Variants in DACH1 observed in about 807,000 individuals in gnomAD.
The protein encoded by DACH1 is dachshund family transcription factor 1.
A neutral mutation model predicts 54.2 loss-of-function variants in DACH1; 12 were observed. That is an observed-to-expected ratio of 0.22 (90% confidence interval 0.14 to 0.36). The LOEUF (loss-of-function observed/expected upper bound fraction) is 0.36, where lower values mean the gene tolerates loss of function less well. Ranked by LOEUF, DACH1 falls within the 10% of genes least tolerant of loss-of-function variation. The pLI, the probability that DACH1 is intolerant of heterozygous loss-of-function variation, is 1.00. For synonymous variants in DACH1, 386 were observed against 366.2 expected (o/e 1.05, Z -0.62); for missense variants, 805 against 929.8 (o/e 0.87, Z 1.75).
intron 3 of DACH1, among the ~76,000 whole-genome samples, chr13:71,604,921 A>G (rs1455146944): frequency 5.3e-5 from 8 of 151,738 alleles, no homozygotes. Flanking sequence ...TTTAGTTTAC[A>G]TGTAAACCGA....
chr13:71,476,062 TATTAC>T (rs1391721005), intron 8 of DACH1, among the ~76,000 whole-genome samples: 10 of 152,158 alleles, frequency 6.6e-5, no homozygotes, highest in Admixed American at 3.3e-4. Context: ...AGCCTAGAAC[TATTAC>T]ATTACAAGAA....
At chr13:71,559,718 G>T (rs1884468437) in intron 5 of DACH1, 102 bp downstream of exon 5, 2 of 1,438,272 alleles carry the variant, frequency 1.4e-6, no homozygotes, top group Admixed American at 1.8e-5. Flanking sequence ...TTCAGAACAT[G>T]ATCCATCTGA....
At chr13:71,479,744 A>G (rs1486452290) in intron 7 of DACH1, among the ~76,000 whole-genome samples, 1 of 152,150 alleles carries the variant, frequency 6.6e-6, no homozygotes, top group Non-Finnish European at 1.5e-5. Flanking sequence ...CTTTCTCCTC[A>G]GAGCTCATTC....
chr13:71,649,844 C>T (rs1451387342), intron 2 of DACH1, among the ~76,000 whole-genome samples: 1 of 152,086 alleles, frequency 6.6e-6, no homozygotes, highest in African/African-American at 2.4e-5. Context: ...ACGGATCTCA[C>T]AAAAATTCTA....
chr13:71,484,302 G>T (rs1375098541), intron 7 of DACH1, among the ~76,000 whole-genome samples: 1 of 152,028 alleles, frequency 6.6e-6, no homozygotes, highest in African/African-American at 2.4e-5. Context: ...TTAATAGCTG[G>T]GACTGTGGGC....
At chr13:71,722,580 T>C (rs1487072829) in intron 1 of DACH1, among the ~76,000 whole-genome samples, 1 of 152,208 alleles carries the variant, frequency 6.6e-6, no homozygotes, top group Admixed American at 6.5e-5. Flanking sequence ...AAAATCTGTA[T>C]GCATTTAAAA....
At chr13:71,454,836 G>C (rs1875410564) in intron 10 of DACH1, among the ~76,000 whole-genome samples, 1 of 152,216 alleles carries the variant, frequency 6.6e-6, no homozygotes, top group African/African-American at 2.4e-5. Flanking sequence ...CTCACACACA[G>C]AAACTGTGAG....
At chr13:71,847,074 C>T (rs1469935543) in intron 1 of DACH1, among the ~76,000 whole-genome samples, 1 of 152,040 alleles carries the variant, frequency 6.6e-6, no homozygotes, top group Non-Finnish European at 1.5e-5. Context: ...AAGGTAAAGA[C>T]AAAACCTCGG....
At chr13:71,609,346 G>A (rs1199564498) in intron 3 of DACH1, among the ~76,000 whole-genome samples, 1 of 151,834 alleles carries the variant, frequency 6.6e-6, no homozygotes, top group Admixed American at 6.6e-5. Context: ...ACATCCGCGT[G>A]TGTTTCACAA....
intron 1 of DACH1, among the ~76,000 whole-genome samples, chr13:71,725,921 C>A (rs561219783): frequency 1.3e-4 from 20 of 152,236 alleles, no homozygotes; most frequent in Admixed American, 5.2e-4. Flanking sequence ...CTTTGCTCCA[C>A]AAAGTTATGT....
At chr13:71,645,276 G>A (rs966354978) in intron 2 of DACH1, among the ~76,000 whole-genome samples, 1 of 152,108 alleles carries the variant, frequency 6.6e-6, no homozygotes, top group Non-Finnish European at 1.5e-5. Context: ...AGCTTAAGAA[G>A]AAAAAGGTGA....
At chr13:71,484,369 G>A (rs996265793) in intron 7 of DACH1, among the ~76,000 whole-genome samples, 3 of 152,088 alleles carry the variant, frequency 2.0e-5, no homozygotes, top group Middle Eastern at 3.2e-3. Context: ...GTCTCCCTAT[G>A]TTTCTCAGGC....
intron 6 of DACH1, among the ~76,000 whole-genome samples, chr13:71,516,785 C>A (rs1881191886): frequency 6.6e-6 from 1 of 151,892 alleles, no homozygotes; most frequent in East Asian, 1.9e-4. Context: ...CTATTTATTT[C>A]ATCCATCTCC....
chr13:71,788,989 G>A (rs1402909248), intron 1 of DACH1, among the ~76,000 whole-genome samples: 1 of 151,956 alleles, frequency 6.6e-6, no homozygotes, highest in Non-Finnish European at 1.5e-5. Context: ...TGTTTTAATT[G>A]TAACAATGAA....
In DACH1 at chr13:71,736,614, C is replaced by T. The variant is rs73523493; in HGVS notation, c.849-54704G>A. Among the ~76,000 whole-genome samples the T allele has an allele frequency of 6.0e-3, 920 of 152,168 alleles. 14 individuals are homozygous for T. The highest frequency in any genetic ancestry group is 0.021 in the African/African-American group (854 of 41,530). ...ACTCTAATATATTCAAAGTGCACTG[C>T]TATTTTTTTTCCCGTAAGAAAGAGG... On this transcript the variant is annotated intron_variant, in intron 1 of 10. Transcript: ENST00000613252.
At chr13:71,834,995 C>A (rs17791163) in intron 1 of DACH1, among the ~76,000 whole-genome samples, 22,510 of 151,840 alleles carry the variant, frequency 0.15, 1,778 homozygotes, top group Non-Finnish European at 0.16. Context: ...GAGGCTCAGC[C>A]CAGGAATTTG....
intron 1 of DACH1, among the ~76,000 whole-genome samples, chr13:71,857,065 C>T (rs1447357354): frequency 6.6e-6 from 1 of 151,822 alleles, no homozygotes; most frequent in Non-Finnish European, 1.5e-5. Flanking sequence ...GCATCAAGCA[C>T]ATGTAGTGTC....
chr13:71,538,437 C>G (rs540058620), intron 6 of DACH1, among the ~76,000 whole-genome samples: 2 of 151,300 alleles, frequency 1.3e-5, no homozygotes, highest in South Asian at 4.2e-4. Context: ...GAGAAGCAAG[C>G]GTGGCAAAAG....
chr13:71,634,780 G>C (rs1458416315), intron 2 of DACH1, among the ~76,000 whole-genome samples: 5 of 152,130 alleles, frequency 3.3e-5, no homozygotes, highest in African/African-American at 1.2e-4. Flanking sequence ...GTCACCCATG[G>C]AGTTTTAAAC....
Sources: gnomAD v4.1 joint callset for allele counts (sites outside exome capture counted in the v4.1 genomes callset) on GRCh38, gnomAD v4.1.1 for gene constraint, MANE v1.5 for transcripts, NCBI Gene and HGNC (gene_info 2026-07-23, HGNC 2026-07-21) for gene names.